The following CTNNA3 variants were observed in gnomAD, a reference collection of about 807,000 sequenced individuals.
The protein encoded by CTNNA3 is catenin alpha-3.
In CTNNA3, 76 loss-of-function variants were observed where a neutral mutation model predicts 95.7. The observed-to-expected ratio is 0.79, with a 90% CI of 0.66 to 0.96. CTNNA3 has a LOEUF of 0.96. Among genes scored for constraint, CTNNA3 ranks in the 40% least tolerant of loss-of-function variants. The pLI is 0.00. For synonymous variants in CTNNA3, 431 were observed against 374.4 expected (o/e 1.15, Z -1.74); for missense variants, 1,191 against 1,089.8 (o/e 1.09, Z -1.31).
chr10:66,388,997 A>G (rs866060520), intron 11 of CTNNA3, among the ~76,000 whole-genome samples: 2 of 152,156 alleles, frequency 1.3e-5, no homozygotes, highest in African/African-American at 2.4e-5. Context: ...TTTCTCTGCT[A>G]TTTATATTTC....
At chr10:66,055,540 C>T (rs2080063879) in intron 15 of CTNNA3, among the ~76,000 whole-genome samples, 1 of 151,930 alleles carries the variant, frequency 6.6e-6, no homozygotes, top group African/African-American at 2.4e-5. Flanking sequence ...TATAGAAATG[C>T]TACTGGTTTT....
chr10:66,419,486 A>G lies in CTNNA3; in HGVS notation c.1532-40134T>C, dbSNP rs1406345038. On this transcript the variant is annotated intron_variant, in intron 11 of 17. Coordinates refer to ENST00000433211, the MANE Select transcript of CTNNA3 (RefSeq NM_013266.4). ...ACTCCATAAACAACCTAAAGACTCA[A>G]TGCAATCCCTATGAAGACACTAATG... Among the ~76,000 whole-genome samples, 3 of 152,276 alleles carry G rather than the reference A, an allele frequency of 2.0e-5. No individual in the cohort carries two copies. In the East Asian group the frequency reaches 5.8e-4, roughly 29 times the overall value.
At chr10:67,048,383 A>C (rs1431611396) in intron 7 of CTNNA3, among the ~76,000 whole-genome samples, 1 of 152,104 alleles carries the variant, frequency 6.6e-6, no homozygotes, top group Non-Finnish European at 1.5e-5. Context: ...AATTCCTTAC[A>C]TGATGATCAA....
At chr10:67,047,851 T>C (rs1854848164) in intron 7 of CTNNA3, among the ~76,000 whole-genome samples, 2 of 152,042 alleles carry the variant, frequency 1.3e-5, no homozygotes, top group African/African-American at 4.8e-5. Context: ...GTTTTCCTGC[T>C]CTTAGTTCAA....
chr10:66,158,851 G>C (rs2133927304), intron 13 of CTNNA3, among the ~76,000 whole-genome samples: 1 of 152,044 alleles, frequency 6.6e-6, no homozygotes, highest in East Asian at 1.9e-4. Flanking sequence ...TTTCCTTGTA[G>C]AGGCCTTTTG....
intron 13 of CTNNA3, among the ~76,000 whole-genome samples, chr10:66,227,377 T>TTTG (rs200676465): frequency 0.022 from 3,083 of 142,706 alleles, 121 homozygotes; most frequent in African/African-American, 0.073. Flanking sequence ...TAAGAGGTGT[T>TTTG]TTTTTTTTTT....
At position 66,766,327 on chromosome 10, in the gene CTNNA3, G is replaced by A; in HGVS notation, c.1218C>T (p.Gly406=). ...CATATTCTTTTATTTCCTTTTCCCG[G>A]CCATTCTTAGCAGCTTCAATGAGAA... ...LLVLIEAAKN[G]REKEIKEYAA... is the part of the protein sequence containing the mutation. The change falls in exon 9 of 18, where the codon GGC becomes GGT. Residue 406 remains glycine, a synonymous_variant. Transcript: ENST00000433211. The A allele has an allele frequency of 6.2e-7, 1 of 1,613,716 alleles. No individual in the cohort carries two copies. The highest frequency in any genetic ancestry group is 8.5e-7 in the Non-Finnish European group (1 of 1,179,832).
At chr10:66,448,850 T>G (rs1438148100) in intron 11 of CTNNA3, among the ~76,000 whole-genome samples, 1 of 151,752 alleles carries the variant, frequency 6.6e-6, no homozygotes, top group East Asian at 1.9e-4. Flanking sequence ...AAAAAATAAA[T>G]AAATAAATAA....
intron 7 of CTNNA3, among the ~76,000 whole-genome samples, chr10:66,953,718 C>T (rs562516416): frequency 1.3e-5 from 2 of 152,192 alleles, no homozygotes; most frequent in Non-Finnish European, 2.9e-5. Context: ...CCAGATTGTG[C>T]TTCTGATATG....
At chr10:66,048,258 G>A (rs7903796) in intron 15 of CTNNA3, among the ~76,000 whole-genome samples, 1,822 of 152,248 alleles carry the variant, frequency 0.012, 32 homozygotes, top group African/African-American at 0.042. Context: ...AAAATGCATG[G>A]TACTGGTACA....
intron 5 of CTNNA3, among the ~76,000 whole-genome samples, chr10:67,336,376 AGAAGTAAG>A (rs1841996293): frequency 6.6e-6 from 1 of 152,226 alleles, no homozygotes; most frequent in African/African-American, 2.4e-5. Flanking sequence ...GAAGGCTCAG[AGAAGTAAG>A]GAAGCTTCAG....
intron 2 of CTNNA3, among the ~76,000 whole-genome samples, chr10:67,608,197 G>GT (rs933708473): frequency 1.3e-5 from 2 of 152,076 alleles, no homozygotes; most frequent in Non-Finnish European, 2.9e-5. Flanking sequence ...TTTGGACTTT[G>GT]TCCCCTGAAG....
intron 13 of CTNNA3, among the ~76,000 whole-genome samples, chr10:66,271,938 A>G (rs1318254915): frequency 2.6e-5 from 4 of 152,128 alleles, no homozygotes; most frequent in African/African-American, 4.8e-5. Flanking sequence ...CTGCTCCCTT[A>G]GTCAAAAGTT....
chr10:66,205,287 A>G (rs752489860), intron 13 of CTNNA3, among the ~76,000 whole-genome samples: 48 of 151,978 alleles, frequency 3.2e-4, no homozygotes, highest in Non-Finnish European at 5.4e-4. Flanking sequence ...TTTTTTTAAA[A>G]TCATCAACAT....
intron 12 of CTNNA3, among the ~76,000 whole-genome samples, chr10:66,341,534 T>A (rs993644851): frequency 1.3e-5 from 2 of 152,018 alleles, no homozygotes; most frequent in Non-Finnish European, 1.5e-5. Context: ...ATCTTAAATG[T>A]GAGGCTCATC....
chr10:66,750,370 C>G (rs866833664), intron 9 of CTNNA3, among the ~76,000 whole-genome samples: 1 of 152,072 alleles, frequency 6.6e-6, no homozygotes, highest in African/African-American at 2.4e-5. Flanking sequence ...AAGTCTATGA[C>G]CCATTTTGAG....
At chr10:67,708,238 G>C (rs189016702) in intron 1 of CTNNA3, among the ~76,000 whole-genome samples, 13 of 152,244 alleles carry the variant, frequency 8.5e-5, no homozygotes, top group Admixed American at 1.3e-4. Flanking sequence ...TTAACAAGCA[G>C]AGTAATTACA....
chr10:66,508,377 T>C (rs913424738), intron 11 of CTNNA3, among the ~76,000 whole-genome samples: 1 of 151,942 alleles, frequency 6.6e-6, no homozygotes, highest in Non-Finnish European at 1.5e-5. Context: ...TGCTCAGTTT[T>C]TGACTATTTT....
At chr10:67,479,191 A>C (rs926378720) in intron 5 of CTNNA3, among the ~76,000 whole-genome samples, 12 of 152,186 alleles carry the variant, frequency 7.9e-5, no homozygotes, top group Non-Finnish European at 1.5e-4. Flanking sequence ...TAGGCAGATC[A>C]CTGAGGCACC....
Sources: gnomAD v4.1 joint callset for allele counts (sites outside exome capture counted in the v4.1 genomes callset) on GRCh38, gnomAD v4.1.1 for gene constraint, MANE v1.5 for transcripts, NCBI Gene and HGNC (gene_info 2026-07-23, HGNC 2026-07-21) for gene names.